Variants in RNF121 observed in about 807,000 individuals in gnomAD.
The protein encoded by RNF121 is E3 ubiquitin ligase RNF121.
RNF121 carries 21 observed loss-of-function variants against 46.5 expected under a neutral mutation model. The observed-to-expected ratio is 0.45, with a 90% confidence interval of 0.32 to 0.65. The LOEUF (loss-of-function observed/expected upper bound fraction) is 0.65. Among genes scored for constraint, RNF121 ranks in the 30% least tolerant of loss-of-function variants. The pLI is 0.04. For synonymous variants in RNF121, 139 were observed against 144.7 expected, an observed-to-expected ratio of 0.96 and a Z score of 0.28; for missense variants, 346 against 416.0, an observed-to-expected ratio of 0.83 and a Z score of 1.46.
chr11:71,996,113 A>C, intron 8 of RNF121, 82 bp from the exon 9 acceptor site: 3 of 1,517,658 alleles, frequency 2.0e-6, no homozygotes, highest in Non-Finnish European at 2.7e-6. Flanking sequence ...AAAGTGGGGC[A>C]GACCCAGGGA....
At chr11:71,979,370 G>A (rs1267149341) in intron 3 of RNF121, among the ~76,000 whole-genome samples, 1 of 152,152 alleles carries the variant, frequency 6.6e-6, no homozygotes, top group Non-Finnish European at 1.5e-5. Flanking sequence ...GCCTAATCCT[G>A]TCTCTAAATT....
At chr11:71,956,234 C>T (rs1953989510) in intron 1 of RNF121, among the ~76,000 whole-genome samples, 2 of 152,136 alleles carry the variant, frequency 1.3e-5, no homozygotes, top group African/African-American at 2.4e-5. Context: ...AAGGCCTTGT[C>T]TCTCTTCTGT....
At chr11:71,970,491 T>C (rs1056717257) in intron 3 of RNF121, among the ~76,000 whole-genome samples, 10 of 152,020 alleles carry the variant, frequency 6.6e-5, no homozygotes, top group Non-Finnish European at 1.0e-4. Flanking sequence ...GGAGACCCCA[T>C]TTCTACTAAA....
chr11:71,939,867 A>G (rs1413754603), intron 1 of RNF121, among the ~76,000 whole-genome samples: 2 of 152,210 alleles, frequency 1.3e-5, no homozygotes, highest in Admixed American at 1.3e-4. Context: ...TCTCTGCTCT[A>G]AAGAAGTTAT....
chr11:71,960,120 C>T (rs6592450), intron 2 of RNF121, among the ~76,000 whole-genome samples: 123,393 of 152,142 alleles, frequency 0.81, 52,116 homozygotes, highest in Non-Finnish European at 0.94. Context: ...AGTTACTAAA[C>T]TTCCTTGAGC....
At chr11:71,974,230 C>T (rs1239039622) in intron 3 of RNF121, among the ~76,000 whole-genome samples, 2 of 152,186 alleles carry the variant, frequency 1.3e-5, no homozygotes, top group Non-Finnish European at 2.9e-5. Flanking sequence ...CGTGAGCCAC[C>T]ACGCCCAGCC....
chr11:71,983,863 G>A (rs781068333), intron 4 of RNF121: 2 of 152,376 alleles, frequency 1.3e-5, no homozygotes, highest in Non-Finnish European at 2.9e-5. Flanking sequence ...CTTTCAAATT[G>A]TAGATTGCTC....
chr11:71,930,307 G>C (rs1189764571), intron 1 of RNF121, among the ~76,000 whole-genome samples: 1 of 152,210 alleles, frequency 6.6e-6, no homozygotes, highest in Non-Finnish European at 1.5e-5. Context: ...CCCTTGCTGT[G>C]TGTTGGGTGT....
intron 5 of RNF121, among the ~76,000 whole-genome samples, chr11:71,989,560 G>T (rs994450006): frequency 2.0e-5 from 3 of 152,100 alleles, no homozygotes; most frequent in Admixed American, 6.5e-5. Context: ...ATAAGCAAAT[G>T]CAGCTTTGTA....
chr11:71,991,462 G>A (rs1954862125), intron 6 of RNF121, among the ~76,000 whole-genome samples: 1 of 152,098 alleles, frequency 6.6e-6, no homozygotes, highest in African/African-American at 2.4e-5. Flanking sequence ...GGGAGAGATG[G>A]CTATTACAGT....
chr11:71,946,309 T>C (rs1309975658), intron 1 of RNF121, among the ~76,000 whole-genome samples: 1 of 152,236 alleles, frequency 6.6e-6, no homozygotes, highest in African/African-American at 2.4e-5. Context: ...TGATAAGTGC[T>C]ATAACATGGG....
At chr11:71,995,156 C>T in intron 7 of RNF121, 1 of 564,532 alleles carries the variant, frequency 1.8e-6, no homozygotes, top group Non-Finnish European at 3.2e-6. Flanking sequence ...CTCAGTTTAG[C>T]ATCATCCTCT....
intron 1 of RNF121, among the ~76,000 whole-genome samples, chr11:71,953,376 G>A (rs889057799): frequency 1.3e-5 from 2 of 152,230 alleles, no homozygotes; most frequent in South Asian, 4.1e-4. Context: ...TGGTATGTGA[G>A]TTAGATCTCT....
At chr11:71,964,047 C>T (rs898197695) in intron 3 of RNF121, among the ~76,000 whole-genome samples, 3 of 152,282 alleles carry the variant, frequency 2.0e-5, no homozygotes, top group South Asian at 2.1e-4. Context: ...ATTTTACAAA[C>T]AAAATCAGTT....
intron 1 of RNF121, among the ~76,000 whole-genome samples, chr11:71,935,108 A>AT (rs1317540600): frequency 1.3e-5 from 2 of 151,922 alleles, no homozygotes; most frequent in Non-Finnish European, 2.9e-5. Flanking sequence ...TGCCTGGCTA[A>AT]TTTTTGTAGA....
At chr11:71,939,830 G>T (rs1328169919) in intron 1 of RNF121, among the ~76,000 whole-genome samples, 2 of 152,036 alleles carry the variant, frequency 1.3e-5, no homozygotes, top group Non-Finnish European at 2.9e-5. Context: ...TTTAGTCTTG[G>T]GAATTAATAA....
intron 1 of RNF121, among the ~76,000 whole-genome samples, chr11:71,941,374 A>C (rs750459975): frequency 3.3e-5 from 5 of 152,208 alleles, no homozygotes; most frequent in Non-Finnish European, 5.9e-5. Context: ...TTCAGTAAAC[A>C]TTTATTAAGT....
intron 1 of RNF121, among the ~76,000 whole-genome samples, chr11:71,935,650 T>C (rs922394475): frequency 6.6e-6 from 1 of 152,140 alleles, no homozygotes; most frequent in Non-Finnish European, 1.5e-5. Flanking sequence ...CAGGAAAGAT[T>C]CCAGTCCCTC....
At chr11:71,929,834 A>G (rs1953225733) in intron 1 of RNF121, among the ~76,000 whole-genome samples, 1 of 152,156 alleles carries the variant, frequency 6.6e-6, no homozygotes, top group South Asian at 2.1e-4. Context: ...AGACAAGAAG[A>G]CTAGTCATTG....
Sources: allele counts gnomAD v4.1 joint callset (sites outside exome capture counted in the v4.1 genomes callset), GRCh38; gene constraint gnomAD v4.1.1; transcripts MANE v1.5; gene names NCBI Gene and HGNC (gene_info 2026-07-23, HGNC 2026-07-21).